ALK: variants seen among roughly 807,000 people sequenced by gnomAD.
The protein encoded by ALK is ALK receptor tyrosine kinase.
A neutral mutation model predicts 163.1 loss-of-function variants in ALK; 74 were observed. The observed-to-expected ratio is 0.45, with a 90% confidence interval of 0.38 to 0.55. The LOEUF (loss-of-function observed/expected upper bound fraction) is 0.55, where lower values mean the gene tolerates loss of function less well. ALK is among the 20% of genes least tolerant of loss of function. The pLI is 0.00. For synonymous variants in ALK, 960 were observed against 843.2 expected, an observed-to-expected ratio of 1.14 and a Z score of -2.40; for missense variants, 2,063 against 2,105.3, an observed-to-expected ratio of 0.98 and a Z score of 0.39.
At chr2:29,564,830 C>T (rs1027126109) in intron 3 of ALK, among the ~76,000 whole-genome samples, 3 of 152,154 alleles carry the variant, frequency 2.0e-5, no homozygotes, top group Admixed American at 6.5e-5. Context: ...GTGGCCACAA[C>T]TTGGTTCCTG....
chr2:29,322,807 C>T (rs530472976), intron 6 of ALK, among the ~76,000 whole-genome samples: 2 of 152,296 alleles, frequency 1.3e-5, no homozygotes, highest in East Asian at 1.9e-4. Context: ...GCACTCCAGC[C>T]TGGGCGACAA....
At chr2:29,450,694 G>C (rs1319597960) in intron 4 of ALK, among the ~76,000 whole-genome samples, 1 of 152,072 alleles carries the variant, frequency 6.6e-6, no homozygotes, top group African/African-American at 2.4e-5. Flanking sequence ...GGAGGTGAGA[G>C]AAAAAGGCAT....
intron 11 of ALK, among the ~76,000 whole-genome samples, chr2:29,273,591 C>T (rs1336923966): frequency 6.6e-6 from 1 of 152,178 alleles, no homozygotes; most frequent in African/African-American, 2.4e-5. Flanking sequence ...ATGCTGGCTG[C>T]AGGGGGCTGG....
At chr2:29,557,915 G>A (rs1420713561) in intron 3 of ALK, among the ~76,000 whole-genome samples, 2 of 152,184 alleles carry the variant, frequency 1.3e-5, no homozygotes, top group African/African-American at 2.4e-5. Context: ...GCGCTCTTTC[G>A]AAGCCCTGGC....
At chr2:29,506,644 G>A (rs1472104053) in intron 4 of ALK, among the ~76,000 whole-genome samples, 1 of 152,090 alleles carries the variant, frequency 6.6e-6, no homozygotes, top group Admixed American at 6.6e-5. Context: ...TCCTCAGGAG[G>A]CTGAGGCAGG....
At chr2:29,621,982 C>G (rs1394480636) in intron 3 of ALK, among the ~76,000 whole-genome samples, 1 of 152,070 alleles carries the variant, frequency 6.6e-6, no homozygotes, top group Non-Finnish European at 1.5e-5. Flanking sequence ...ACTTTGAAGA[C>G]CATCTTTGCC....
chr2:29,405,672 A>G (rs1486182433), intron 4 of ALK, among the ~76,000 whole-genome samples: 2 of 152,190 alleles, frequency 1.3e-5, no homozygotes, highest in African/African-American at 4.8e-5. Flanking sequence ...CTCTGCAGAC[A>G]GCCACCACAC....
At chr2:29,881,017 T>C (rs1161100473) in intron 1 of ALK, among the ~76,000 whole-genome samples, 1 of 152,222 alleles carries the variant, frequency 6.6e-6, no homozygotes, top group African/African-American at 2.4e-5. Flanking sequence ...GGGGCCTCAC[T>C]GTAATATGCA....
Position 29,232,370 on chromosome 2 carries a change from A to T in ALK, c.2566T>A (p.Phe856Ile), listed in dbSNP as rs780727824. Reference sequence around the variant, plus strand: ...TTATTCTCCAGTCTCTCTGGGTGGAACGTGTCTGTCTTGGCCCCGTAGGCC... The same window carrying T: ...TTATTCTCCAGTCTCTCTGGGTGGATCGTGTCTGTCTTGGCCCCGTAGGCC... Reference protein sequence around the residue: ...GRAYGAKTDTFHPERLENNSS... With the variant: ...GRAYGAKTDTIHPERLENNSS... Residue 856 changes from phenylalanine (F) to isoleucine (I), a missense_variant, in exon 15 of 29, where the codon TTC becomes ATC. Phe to Ile is a conservative substitution (Grantham distance 21, BLOSUM62 0). Transcript: ENST00000389048. The T allele has an allele frequency of 1.2e-6, 2 of 1,614,234 alleles. No individual in the cohort carries two copies. Among genetic ancestry groups the T allele is most frequent in the Admixed American group, 1.7e-5 (1 of 60,028 alleles).
intron 1 of ALK, among the ~76,000 whole-genome samples, chr2:29,914,622 C>A (rs1383630870): frequency 2.0e-5 from 3 of 152,172 alleles, no homozygotes; most frequent in Non-Finnish European, 4.4e-5. Context: ...TATTACTATC[C>A]CCATTTAGGA....
intron 3 of ALK, among the ~76,000 whole-genome samples, chr2:29,664,028 T>C (rs1677433391): frequency 6.6e-6 from 1 of 152,186 alleles, no homozygotes; most frequent in East Asian, 1.9e-4. Context: ...TCTGGGTTCC[T>C]CATTTACCTC....
chr2:29,566,928 A>AC (rs908984881), intron 3 of ALK, among the ~76,000 whole-genome samples: 55 of 152,326 alleles, frequency 3.6e-4, no homozygotes, highest in African/African-American at 1.3e-3. Context: ...AAGAAAAAAA[A>AC]CTGAAAGAAT....
intron 6 of ALK, among the ~76,000 whole-genome samples, chr2:29,324,690 C>T (rs777406955): frequency 3.3e-5 from 5 of 152,182 alleles, no homozygotes; most frequent in Non-Finnish European, 7.3e-5. Flanking sequence ...TCTAGGGAGC[C>T]ACATGCCATC....
chr2:29,916,962 C>T (rs1667851593), intron 1 of ALK, among the ~76,000 whole-genome samples: 1 of 152,186 alleles, frequency 6.6e-6, no homozygotes, highest in South Asian at 2.1e-4. Flanking sequence ...CTGCCTCAGA[C>T]TTGAAATGCC....
intron 2 of ALK, among the ~76,000 whole-genome samples, chr2:29,700,329 G>A (rs953270292): frequency 6.6e-6 from 1 of 152,188 alleles, no homozygotes; most frequent in African/African-American, 2.4e-5. Context: ...TGGATCACCT[G>A]AGGTCGGGAG....
chr2:29,703,072 T>C (rs930004945), intron 2 of ALK, among the ~76,000 whole-genome samples: 1 of 152,268 alleles, frequency 6.6e-6, no homozygotes, highest in Admixed American at 6.5e-5. Flanking sequence ...AAGGGGCCTA[T>C]AAGAATTCAT....
intron 9 of ALK, among the ~76,000 whole-genome samples, chr2:29,283,588 T>A (rs1214171656): frequency 6.6e-6 from 1 of 152,058 alleles, no homozygotes; most frequent in Non-Finnish European, 1.5e-5. Flanking sequence ...AAATTAGAAG[T>A]CTTTTCTGCT....
At chr2:29,331,565 T>C (rs1209767270) in intron 5 of ALK, among the ~76,000 whole-genome samples, 1 of 152,210 alleles carries the variant, frequency 6.6e-6, no homozygotes, top group Non-Finnish European at 1.5e-5. Flanking sequence ...ATTCTTTACC[T>C]ATCATTCATG....
rs113866835 is a variant in ALK, at chr2:29,220,897, T to C, written c.3516-62A>G. Reference sequence around the variant, plus strand: ...AGCTGAGTCTGGGCAAATCTTAAACTGGGAGGAACAGGATACAAAGTTACA... The same window carrying C: ...AGCTGAGTCTGGGCAAATCTTAAACCGGGAGGAACAGGATACAAAGTTACA... On this transcript the variant is annotated intron_variant, in intron 22 of 28. Transcript: ENST00000389048. The C allele has an allele frequency of 3.5e-3, 5,606 of 1,607,506 alleles. 22 individuals carry two copies. Among genetic ancestry groups the C allele is most frequent in the Non-Finnish European group, 3.3e-3 (3,827 of 1,174,996 alleles).
Sources: allele counts gnomAD v4.1 joint callset (sites outside exome capture counted in the v4.1 genomes callset), GRCh38; gene constraint gnomAD v4.1.1; transcripts MANE v1.5; gene names NCBI Gene and HGNC (gene_info 2026-07-23, HGNC 2026-07-21).